Variants in GPHB5 observed in about 807,000 individuals in gnomAD.
GPHB5 encodes glycoprotein hormone beta-5.
In GPHB5, 7 loss-of-function variants were observed where a neutral mutation model predicts 10.1. The observed-to-expected ratio is 0.69, with a 90% CI of 0.39 to 1.30. The LOEUF is 1.30. Among genes scored for constraint, GPHB5 ranks in the 50% most tolerant of loss-of-function variants. The pLI, the probability that GPHB5 is intolerant of heterozygous loss-of-function variation, is 0.01. For synonymous variants in GPHB5, 68 were observed against 70.1 expected, an observed-to-expected ratio of 0.97 and a Z score of 0.15; for missense variants, 161 against 169.8, an observed-to-expected ratio of 0.95 and a Z score of 0.29.
chr14:63,318,193 C>T (rs1405721939), intron 1 of GPHB5, among the ~76,000 whole-genome samples: 2 of 152,178 alleles, frequency 1.3e-5, no homozygotes, highest in African/African-American at 4.8e-5. Context: ...AACACCAAAA[C>T]TAATCCATAA....
intron 2 of GPHB5, among the ~76,000 whole-genome samples, chr14:63,313,390 T>C (rs8006976): frequency 0.12 from 18,417 of 152,110 alleles, 1,270 homozygotes; most frequent in African/African-American, 0.17. Context: ...ACCTTCTAAC[T>C]GGTCTCCCCT....
At chr14:63,314,886 C>A (rs1422201018) in intron 2 of GPHB5, among the ~76,000 whole-genome samples, 1 of 141,548 alleles carries the variant, frequency 7.1e-6, no homozygotes, top group Non-Finnish European at 1.5e-5. Flanking sequence ...AGCAGCCTTA[C>A]CTTTTTTTTT....
At chr14:63,317,905 G>T in intron 1 of GPHB5, 55 bp from the exon 2 acceptor site, 1 of 1,511,030 alleles carries the variant, frequency 6.6e-7, no homozygotes, top group Non-Finnish European at 9.1e-7. Flanking sequence ...TGCCTTCAAT[G>T]GCACAGCCAA....
rs769248488 is a variant in GPHB5 at position 63,317,704 on chromosome 14, C to T, written c.146G>A (p.Gly49Asp). The T allele has an allele frequency of 6.2e-7, 1 of 1,614,030 alleles. No individual in the cohort carries two copies. Among genetic ancestry groups the T allele is most frequent in the East Asian group, 2.2e-5 (1 of 44,876 alleles). ...CGTGGTGATCCGAAGGCCCCTGCAGCCTGGCTTCTTGGCCAGGAAAGTAAA... is the reference window on the plus strand; with the variant it reads ...CGTGGTGATCCGAAGGCCCCTGCAGTCTGGCTTCTTGGCCAGGAAAGTAAA... ...REFTFLAKKP[G>D]CRGLRITTDA... Residue 49 changes from glycine (G) to aspartate (D), a missense_variant, in exon 2 of 3, where the codon GGC (glycine) becomes GAC (aspartate). Physicochemically the swap from Gly to Asp is moderately conservative, Grantham distance 94. Transcript: ENST00000621500.
At chr14:63,314,163 A>G (rs949980285) in intron 2 of GPHB5, among the ~76,000 whole-genome samples, 2 of 152,196 alleles carry the variant, frequency 1.3e-5, no homozygotes. Context: ...CAATTTTGAT[A>G]AACAGAACAC....
Position 63,316,483 on chromosome 14 carries a change from C to T in GPHB5, c.204+1163G>A, listed in dbSNP as rs554106861. Among the ~76,000 whole-genome samples, 29 of 152,242 alleles carry T rather than the reference C, an allele frequency of 1.9e-4. 1 individual carries two copies. Among genetic ancestry groups the T allele is most frequent in the Non-Finnish European group, 3.8e-4 (26 of 68,030 alleles). On this transcript the variant is annotated intron_variant, in intron 2 of 2. Transcript: ENST00000621500. Reference sequence around the variant, plus strand: ...CTGTGAAGGTTATAAGAATGAACCTCTGTCCTGAAAAAATTTAAATCACGC... The same window carrying T: ...CTGTGAAGGTTATAAGAATGAACCTTTGTCCTGAAAAAATTTAAATCACGC...
At chr14:63,317,361 G>T (rs992874732) in intron 2 of GPHB5, among the ~76,000 whole-genome samples, 1 of 152,104 alleles carries the variant, frequency 6.6e-6, no homozygotes, top group Non-Finnish European at 1.5e-5. Flanking sequence ...TCTGTAAAAC[G>T]GGTAGAACAG....
intron 2 of GPHB5, among the ~76,000 whole-genome samples, chr14:63,315,933 AAGAAG>A (rs1882763257): frequency 6.6e-6 from 1 of 152,216 alleles, no homozygotes; most frequent in African/African-American, 2.4e-5. Context: ...AGTTTTTAAA[AAGAAG>A]AGAAGATGGG....
At chr14:63,315,185 G>T (rs1427302226) in intron 2 of GPHB5, among the ~76,000 whole-genome samples, 2 of 152,116 alleles carry the variant, frequency 1.3e-5, no homozygotes, top group African/African-American at 4.8e-5. Flanking sequence ...AAAGTGCTGA[G>T]ATTACAGGTG....
Position 63,317,705 on chromosome 14 carries a change from C to A in GPHB5, c.145G>T (p.Gly49Cys), listed in dbSNP as rs1158168691. Reference sequence around the variant, plus strand: ...GTGGTGATCCGAAGGCCCCTGCAGCCTGGCTTCTTGGCCAGGAAAGTAAAC... The same window carrying A: ...GTGGTGATCCGAAGGCCCCTGCAGCATGGCTTCTTGGCCAGGAAAGTAAAC... ...REFTFLAKKP[G>C]CRGLRITTDA... The change falls in exon 2 of 3, where the codon GGC (glycine) becomes TGC (cysteine). Residue 49 changes from glycine (G) to cysteine (C), a missense_variant. Transcript: ENST00000621500. The A allele has an allele frequency of 6.2e-7, 1 of 1,614,030 alleles. No homozygotes were observed. Among genetic ancestry groups the A allele is most frequent in the Admixed American group, 1.7e-5 (1 of 60,028 alleles).
intron 1 of GPHB5, 71 bp from the exon 2 acceptor site, chr14:63,317,921 C>A: frequency 7.2e-7 from 1 of 1,385,238 alleles, no homozygotes; most frequent in East Asian, 2.4e-5. Context: ...GCCAACCATG[C>A]ATTTGTCACT....
At chr14:63,317,906 G>A in intron 1 of GPHB5, 56 bp from the exon 2 acceptor site, 1 of 1,504,362 alleles carries the variant, frequency 6.6e-7, no homozygotes, top group Non-Finnish European at 9.2e-7. Flanking sequence ...GCCTTCAATG[G>A]CACAGCCAAC....
chr14:63,318,784 C>A (rs1392631103), intron 1 of GPHB5, 40 bp downstream of exon 1: 1 of 152,362 alleles, frequency 6.6e-6, no homozygotes, highest in African/African-American at 2.4e-5. Context: ...TGGGCTTCCC[C>A]TCCTCTGGAA....
intron 2 of GPHB5, among the ~76,000 whole-genome samples, chr14:63,315,655 A>G (rs1181177455): frequency 2.0e-5 from 3 of 152,216 alleles, no homozygotes; most frequent in African/African-American, 7.2e-5. Flanking sequence ...TTATTTTCAG[A>G]CATGCTTTCA....
intron 2 of GPHB5, among the ~76,000 whole-genome samples, chr14:63,315,748 T>C (rs540186250): frequency 2.0e-5 from 3 of 152,240 alleles, no homozygotes; most frequent in Non-Finnish European, 1.5e-5. Flanking sequence ...CTCATTCTTT[T>C]ATTTATTTTC....
chr14:63,315,075 G>A (rs1483389280), intron 2 of GPHB5, among the ~76,000 whole-genome samples: 3 of 151,598 alleles, frequency 2.0e-5, no homozygotes, highest in Non-Finnish European at 2.9e-5. Flanking sequence ...GCTAATTTTT[G>A]TATTTTTAGT....
intron 2 of GPHB5, among the ~76,000 whole-genome samples, chr14:63,315,514 G>GGTT (rs142722188): frequency 0.26 from 39,272 of 151,804 alleles, 5,459 homozygotes; most frequent in African/African-American, 0.36. Context: ...GGAGGGGATT[G>GGTT]GTTTTGTTTT....
intron 2 of GPHB5, among the ~76,000 whole-genome samples, chr14:63,315,415 C>T (rs1270520): frequency 0.38 from 58,391 of 151,930 alleles, 12,336 homozygotes; most frequent in African/African-American, 0.56. Flanking sequence ...GACAGACTTA[C>T]GCTAAAAATT....
chr14:63,313,756 C>A (rs775181132), intron 2 of GPHB5, among the ~76,000 whole-genome samples: 28 of 152,166 alleles, frequency 1.8e-4, no homozygotes, highest in Non-Finnish European at 3.4e-4. Flanking sequence ...CTTTCACCAA[C>A]CTTGGGTTTT....
Sources: gnomAD v4.1 joint callset for allele counts (sites outside exome capture counted in the v4.1 genomes callset) on GRCh38, gnomAD v4.1.1 for gene constraint, MANE v1.5 for transcripts, NCBI Gene and HGNC (gene_info 2026-07-23, HGNC 2026-07-21) for gene names.